LRRC7: variants seen among roughly 807,000 people sequenced by gnomAD.
LRRC7 encodes the protein leucine-rich repeat-containing protein 7.
In LRRC7, 23 loss-of-function variants were observed where a neutral mutation model predicts 175.7. The ratio of observed to expected loss-of-function variants is 0.13; its 90% CI spans 0.09 to 0.19. The LOEUF is 0.19. Among genes scored for constraint, LRRC7 ranks in the 10% least tolerant of loss-of-function variants. The pLI, the probability that LRRC7 is intolerant of heterozygous loss-of-function variation, is 1.00. For synonymous variants in LRRC7, 685 were observed against 680.9 expected, an observed-to-expected ratio of 1.01 and a Z score of -0.09; for missense variants, 1,354 against 1,904.7, an observed-to-expected ratio of 0.71 and a Z score of 5.38.
intron 5 of LRRC7, among the ~76,000 whole-genome samples, chr1:69,833,526 A>G (rs1680761910): frequency 6.6e-6 from 1 of 152,162 alleles, no homozygotes; most frequent in South Asian, 2.1e-4. Context: ...ACACATACAT[A>G]CATACAAATG....
chr1:69,995,077 G>A (rs1654804794), intron 11 of LRRC7, among the ~76,000 whole-genome samples: 3 of 152,030 alleles, frequency 2.0e-5, no homozygotes, highest in Non-Finnish European at 2.9e-5. Context: ...GAATCTTAAC[G>A]TATTTTTAGA....
chr1:70,009,117 GAAA>G (rs1332786648), intron 11 of LRRC7, among the ~76,000 whole-genome samples: 1 of 151,674 alleles, frequency 6.6e-6, no homozygotes, highest in Non-Finnish European at 1.5e-5. Flanking sequence ...TATAAAAAAA[GAAA>G]AAAGAGAGAA....
At chr1:69,917,422 A>G (rs1338093177) in intron 7 of LRRC7, among the ~76,000 whole-genome samples, 1 of 152,190 alleles carries the variant, frequency 6.6e-6, no homozygotes, top group African/African-American at 2.4e-5. Flanking sequence ...TGCATTCCTC[A>G]GGTAGGCTAG....
intron 2 of LRRC7, among the ~76,000 whole-genome samples, chr1:69,707,469 T>C (rs1664184559): frequency 6.6e-6 from 1 of 152,148 alleles, no homozygotes; most frequent in Admixed American, 6.6e-5. Context: ...TCTGGCTTCC[T>C]TTCCTTCCCT....
intron 7 of LRRC7, among the ~76,000 whole-genome samples, chr1:69,875,421 G>A (rs973342847): frequency 1.3e-5 from 2 of 151,960 alleles, no homozygotes; most frequent in African/African-American, 2.4e-5. Context: ...CAAGTAAGTG[G>A]AATAACTGTT....
In LRRC7 at chr1:69,781,718, A is replaced by G. The variant is rs1237334589; in HGVS notation, c.304-10325A>G. Among the ~76,000 whole-genome samples, 12 of 33,030 alleles carry G rather than the reference A, an allele frequency of 3.6e-4. 1 individual carries two copies. The highest frequency in any genetic ancestry group is 1.3e-3 in the African/African-American group (7 of 5,372). The allele number at this position is 33,030 out of a possible 152,430, so 21.7% of individuals were successfully genotyped here. A position where few individuals can be genotyped will look rare whatever the true frequency, so the allele number is the denominator to read the frequency against. ...AAGAAAGAAAGAAAGAAAGAAAGAAAGAAAGAAAGAAAGAAAGAGAGAGAG... is the reference window on the plus strand; with the variant it reads ...AAGAAAGAAAGAAAGAAAGAAAGAAGGAAAGAAAGAAAGAAAGAGAGAGAG... On this transcript the variant is annotated intron_variant, in intron 3 of 26. Coordinates refer to ENST00000651989, the MANE Select transcript of LRRC7 (RefSeq NM_001370785.2).
At chr1:69,593,631 T>C (rs1431267240) in intron 1 of LRRC7, among the ~76,000 whole-genome samples, 1 of 152,194 alleles carries the variant, frequency 6.6e-6, no homozygotes, top group African/African-American at 2.4e-5. Context: ...AATAAGGAAA[T>C]GTTTAAAACT....
chr1:69,666,552 A>T (rs1445963734), intron 1 of LRRC7, among the ~76,000 whole-genome samples: 1 of 151,906 alleles, frequency 6.6e-6, no homozygotes, highest in Non-Finnish European at 1.5e-5. Flanking sequence ...GGAAGGTTTT[A>T]TGTGTGTAGG....
At chr1:69,738,093 C>T (rs1015961565) in intron 2 of LRRC7, among the ~76,000 whole-genome samples, 1 of 151,980 alleles carries the variant, frequency 6.6e-6, no homozygotes, top group African/African-American at 2.4e-5. Context: ...TTACTGAGAT[C>T]GGTTTTAGTG....
At chr1:69,953,167 T>C (rs2101827182) in intron 8 of LRRC7, among the ~76,000 whole-genome samples, 1 of 152,090 alleles carries the variant, frequency 6.6e-6, no homozygotes, top group East Asian at 1.9e-4. Flanking sequence ...TCGTAGTCTT[T>C]ACTAACCTAA....
chr1:69,929,184 A>G (rs925534448), intron 7 of LRRC7, among the ~76,000 whole-genome samples: 2 of 152,174 alleles, frequency 1.3e-5, no homozygotes, highest in Non-Finnish European at 2.9e-5. Flanking sequence ...GCCCAGTTGG[A>G]AAGACTTGAC....
Position 69,675,911 on chromosome 1 carries a change from A to G in LRRC7, c.3-2470A>G, listed in dbSNP as rs182258876. 3.3e-5 allele frequency among the ~76,000 whole-genome samples: 5 copies of G among 152,074 alleles called. No individual in the cohort carries two copies. In the East Asian group the frequency reaches 7.7e-4, roughly 24 times the overall value. ...GAGAAATAACTTTTTCTCACTTGAC[A>G]TGAATTTTGAGTGAAACTAAGATTC... On this transcript the variant is annotated intron_variant, in intron 1 of 26. Transcript: ENST00000651989.
intron 7 of LRRC7, among the ~76,000 whole-genome samples, chr1:69,925,090 G>A (rs968156363): frequency 6.6e-6 from 1 of 152,124 alleles, no homozygotes; most frequent in Non-Finnish European, 1.5e-5. Context: ...CTGTTTATAT[G>A]CTGGATTACA....
intron 8 of LRRC7, among the ~76,000 whole-genome samples, chr1:69,956,118 T>C (rs751763120): frequency 5.8e-4 from 88 of 151,912 alleles, no homozygotes; most frequent in Non-Finnish European, 9.6e-4. Flanking sequence ...ACCAAAGAAG[T>C]AGCTGACTTT....
Position 69,568,287 on chromosome 1 carries a change from C to T in LRRC7, c.-353C>T, listed in dbSNP as rs1452006995. ...GGAGCTGCGCCTCCGCCACCGCCGC[C>T]GCCGCCGCCGCTGCTGCTGCGGTCG... On this transcript the variant is annotated 5_prime_UTR_variant, in exon 1 of 27. Transcript: ENST00000651989. The T allele has an allele frequency of 6.3e-5, 13 of 206,404 alleles. No homozygotes were observed. Among genetic ancestry groups the T allele is most frequent in the Non-Finnish European group, 8.4e-5 (9 of 107,026 alleles). The allele number at this position is 206,404 out of a possible 1,614,324, so 12.8% of individuals were successfully genotyped here. A position where few individuals can be genotyped will look rare whatever the true frequency, so the allele number is the denominator to read the frequency against.
intron 15 of LRRC7, among the ~76,000 whole-genome samples, chr1:70,019,380 T>A (rs977969045): frequency 6.6e-6 from 1 of 152,008 alleles, no homozygotes; most frequent in Non-Finnish European, 1.5e-5. Flanking sequence ...TCTTCTATGA[T>A]CACATTATTC....
At chr1:69,689,066 T>G (rs752025649) in intron 2 of LRRC7, among the ~76,000 whole-genome samples, 4 of 152,206 alleles carry the variant, frequency 2.6e-5, no homozygotes, top group Non-Finnish European at 5.9e-5. Context: ...TTCAGTTCCC[T>G]CTTTTTCTAT....
At chr1:70,036,708 T>A (rs920465396) in intron 20 of LRRC7, 84 bp downstream of exon 20, 3 of 1,416,130 alleles carry the variant, frequency 2.1e-6, no homozygotes, top group Non-Finnish European at 9.6e-7. Context: ...AATTTTGGAA[T>A]TGTATTCGGC....
intron 2 of LRRC7, among the ~76,000 whole-genome samples, chr1:69,746,526 A>G (rs1669272857): frequency 6.6e-6 from 1 of 152,110 alleles, no homozygotes; most frequent in Admixed American, 6.6e-5. Flanking sequence ...ATCCTCTTCA[A>G]CAGATTGATG....
Sources: gnomAD v4.1 joint callset for allele counts (sites outside exome capture counted in the v4.1 genomes callset) on GRCh38, gnomAD v4.1.1 for gene constraint, MANE v1.5 for transcripts, NCBI Gene and HGNC (gene_info 2026-07-23, HGNC 2026-07-21) for gene names.